GAN: variants seen among roughly 807,000 people sequenced by gnomAD.
GAN encodes the protein gigaxonin.
Under a neutral mutation model 71.3 loss-of-function variants are expected in GAN, and 48 were observed. The ratio of observed to expected loss-of-function variants is 0.67; its 90% confidence interval spans 0.53 to 0.86. The LOEUF (loss-of-function observed/expected upper bound fraction) is 0.86, where lower values mean the gene tolerates loss of function less well. GAN is among the 40% of genes least tolerant of loss of function. GAN has a pLI of 0.00. For missense variants in GAN, 928 were observed against 770.1 expected (o/e 1.21, Z -2.43); for synonymous variants, 386 against 276.8 (o/e 1.39, Z -3.92).
intron 1 of GAN, among the ~76,000 whole-genome samples, chr16:81,318,002 C>T (rs975900174): frequency 4.6e-5 from 7 of 152,016 alleles, no homozygotes; most frequent in Non-Finnish European, 8.8e-5. Flanking sequence ...TTATCAATTC[C>T]GAAGCTGTTT....
At chr16:81,366,855 C>A (rs544272332) in intron 9 of GAN, among the ~76,000 whole-genome samples, 1 of 152,016 alleles carries the variant, frequency 6.6e-6, no homozygotes, top group Admixed American at 6.6e-5. Context: ...GAGACAGTCT[C>A]GCTCTGTCGC....
At chr16:81,370,177 C>T (rs960881166) in intron 9 of GAN, among the ~76,000 whole-genome samples, 10 of 152,222 alleles carry the variant, frequency 6.6e-5, no homozygotes, top group African/African-American at 2.2e-4. Context: ...TATTAGTCCA[C>T]AGAGATTTTA....
intron 1 of GAN, among the ~76,000 whole-genome samples, chr16:81,316,968 C>T (rs1597386418): frequency 6.6e-6 from 1 of 152,198 alleles, no homozygotes; most frequent in Non-Finnish European, 1.5e-5. Flanking sequence ...AAGCGATTCT[C>T]CTGCCTCAGC....
intron 1 of GAN, among the ~76,000 whole-genome samples, chr16:81,325,440 G>T (rs1198205136): frequency 1.3e-5 from 2 of 152,204 alleles, no homozygotes; most frequent in African/African-American, 4.8e-5. Context: ...GTAGTGAATA[G>T]GAACAGTGGC....
intron 4 of GAN, among the ~76,000 whole-genome samples, chr16:81,357,357 T>C (rs1261919935): frequency 3.3e-5 from 5 of 152,168 alleles, no homozygotes; most frequent in African/African-American, 1.2e-4. Context: ...ATATGCGGTG[T>C]TTGGTTTTTT....
intron 1 of GAN, among the ~76,000 whole-genome samples, chr16:81,332,218 T>C (rs1190130170): frequency 1.3e-5 from 2 of 151,654 alleles, no homozygotes; most frequent in Non-Finnish European, 2.9e-5. Flanking sequence ...AGAGAAGCTT[T>C]CAGGAACTGG....
rs752040426 is a variant in GAN, at chr16:81,315,021, C to T, written c.-93C>T. The T allele has an allele frequency of 2.2e-4, 239 of 1,095,142 alleles. No homozygotes were observed. Among genetic ancestry groups the T allele is most frequent in the Non-Finnish European group, 2.6e-4 (217 of 830,368 alleles). The allele number at this position is 1,095,142 out of a possible 1,614,324, so 67.8% of individuals were successfully genotyped here. A position where few individuals can be genotyped will look rare whatever the true frequency, so the allele number is the denominator to read the frequency against. ...CTGCTCAGAGCGCGGAGAGCCGGGC[C>T]GGGCGGGCGCGCGCGCAGGACTCGG... On this transcript the variant is annotated 5_prime_UTR_variant, in exon 1 of 11. Transcript: ENST00000648994.
chr16:81,339,586 A>T (rs758984732), intron 1 of GAN, among the ~76,000 whole-genome samples: 60 of 152,256 alleles, frequency 3.9e-4, no homozygotes, highest in Non-Finnish European at 6.3e-4. Flanking sequence ...ACTAAAGGAA[A>T]TAGAGAAATA....
rs968539664 is a variant in GAN at position 81,334,863 on chromosome 16, G to A, written c.168-16720G>A. 2.0e-4 allele frequency among the ~76,000 whole-genome samples: 30 copies of A among 152,206 alleles called. 1 individual carries two copies. Among genetic ancestry groups the A allele is most frequent in the Admixed American group, 1.2e-3 (18 of 15,282 alleles). On this transcript the variant is annotated intron_variant, in intron 1 of 10. Coordinates refer to ENST00000648994, the MANE Select transcript of GAN (RefSeq NM_022041.4). ...AATCCACTGGTTCTCTAACCTGGCT[G>A]CGTGCTCATTTATCAAGTCAATTCA...
rs572036727 is a variant in GAN, at chr16:81,359,507, G to A, written c.973+1576G>A. Among the ~76,000 whole-genome samples, 31 of 149,448 alleles carry A rather than the reference G, an allele frequency of 2.1e-4. No homozygotes were observed. The South Asian group carries it at 6.6e-3, about 32-fold the overall frequency. ...TTTGGGACTTACATTCTTGTTAATA[G>A]TCCTTTAGGAAGATTACCTTAGAAA... On this transcript the variant is annotated intron_variant, in intron 5 of 10. Coordinates refer to ENST00000648994, the MANE Select transcript of GAN (RefSeq NM_022041.4).
intron 1 of GAN, among the ~76,000 whole-genome samples, chr16:81,319,973 AGTTTT>A (rs1332625083): frequency 2.0e-5 from 3 of 152,150 alleles, no homozygotes; most frequent in Non-Finnish European, 4.4e-5. Context: ...TGTCATTTAA[AGTTTT>A]GTTTTATGTT....
intron 1 of GAN, among the ~76,000 whole-genome samples, chr16:81,316,111 A>G (rs1394721883): frequency 6.6e-6 from 1 of 152,240 alleles, no homozygotes; most frequent in Non-Finnish European, 1.5e-5. Context: ...TTGATAAGAC[A>G]GTGCTTATAC....
At chr16:81,339,263 C>T (rs945609736) in intron 1 of GAN, among the ~76,000 whole-genome samples, 7 of 152,156 alleles carry the variant, frequency 4.6e-5, no homozygotes, top group Admixed American at 2.0e-4. Context: ...TTGAACAGTT[C>T]CCAGTTGAAT....
intron 9 of GAN, among the ~76,000 whole-genome samples, chr16:81,375,171 C>A (rs1904276697): frequency 6.6e-6 from 1 of 151,856 alleles, no homozygotes; most frequent in African/African-American, 2.4e-5. Flanking sequence ...AATGAAAAGG[C>A]CACCTACATG....
At chr16:81,330,639 CCA>C (rs1909544886) in intron 1 of GAN, among the ~76,000 whole-genome samples, 1 of 152,134 alleles carries the variant, frequency 6.6e-6, no homozygotes, top group African/African-American at 2.4e-5. Flanking sequence ...CATTGAAGTA[CCA>C]CAGTTATTGT....
At chr16:81,354,793 T>C (rs780792349) in intron 3 of GAN, 38 bp downstream of exon 3, 3 of 1,176,648 alleles carry the variant, frequency 2.5e-6, no homozygotes, top group Middle Eastern at 4.3e-4. Flanking sequence ...TTTGCCTTTT[T>C]ATTTCTTTTT....
At chr16:81,357,091 TAAAA>T in intron 4 of GAN, 89 bp downstream of exon 4, 1 of 872,104 alleles carries the variant, frequency 1.1e-6, no homozygotes. Flanking sequence ...TTTCAGTATC[TAAAA>T]CATAATTACA....
chr16:81,356,211 A>G (rs16955149), intron 3 of GAN, among the ~76,000 whole-genome samples: 3,954 of 150,838 alleles, frequency 0.026, 91 homozygotes, highest in East Asian at 0.082. Context: ...TACTTTCGTC[A>G]GTTCAAATTT....
intron 1 of GAN, among the ~76,000 whole-genome samples, chr16:81,344,817 C>T (rs1469240193): frequency 6.6e-6 from 1 of 152,116 alleles, no homozygotes; most frequent in African/African-American, 2.4e-5. Context: ...GAACGGGCAA[C>T]CTACAGAATG....
Sources: gnomAD v4.1 joint callset for allele counts (sites outside exome capture counted in the v4.1 genomes callset) on GRCh38, gnomAD v4.1.1 for gene constraint, MANE v1.5 for transcripts, NCBI Gene and HGNC (gene_info 2026-07-23, HGNC 2026-07-21) for gene names.